Variants in MSRB3 observed in about 807,000 individuals in gnomAD.
The protein encoded by MSRB3 is methionine-R-sulfoxide reductase B3.
Under a neutral mutation model 21.0 loss-of-function variants are expected in MSRB3, and 13 were observed. The observed-to-expected ratio is 0.62, with a 90% CI of 0.40 to 0.98. MSRB3 has a LOEUF of 0.98. Ranked by LOEUF, MSRB3 falls within the 50% of genes least tolerant of loss-of-function variation. MSRB3 has a pLI of 0.00. For synonymous variants in MSRB3, 87 were observed against 88.6 expected, an observed-to-expected ratio of 0.98 and a Z score of 0.10; for missense variants, 199 against 230.3, an observed-to-expected ratio of 0.86 and a Z score of 0.88.
intron 5 of MSRB3, among the ~76,000 whole-genome samples, chr12:65,391,454 A>G (rs1231173073): frequency 5.3e-5 from 8 of 152,194 alleles, no homozygotes; most frequent in Non-Finnish European, 1.2e-4. Flanking sequence ...GATATCCAGG[A>G]TATGTGCTTC....
chr12:65,433,515 C>T (rs1881979522), intron 5 of MSRB3, among the ~76,000 whole-genome samples: 2 of 151,830 alleles, frequency 1.3e-5, no homozygotes, highest in African/African-American at 4.8e-5. Context: ...CTCACACCAT[C>T]ATGCACAGAA....
At chr12:65,425,516 T>C (rs180992959) in intron 5 of MSRB3, among the ~76,000 whole-genome samples, 1 of 152,260 alleles carries the variant, frequency 6.6e-6, no homozygotes, top group East Asian at 1.9e-4. Flanking sequence ...TTTGTATATC[T>C]ACTGTAGCTT....
intron 2 of MSRB3, among the ~76,000 whole-genome samples, chr12:65,318,514 T>A (rs559663165): frequency 6.6e-6 from 1 of 152,256 alleles, no homozygotes; most frequent in East Asian, 1.9e-4. Context: ...AATTTTTTTT[T>A]ATGGGCTATG....
chr12:65,447,996 T>C (rs1592646875), intron 5 of MSRB3, among the ~76,000 whole-genome samples: 3 of 152,094 alleles, frequency 2.0e-5, no homozygotes, highest in African/African-American at 7.2e-5. Context: ...AAATGGAAAA[T>C]CAATTTGATT....
chr12:65,363,570 A>T (rs1877831854), intron 4 of MSRB3, among the ~76,000 whole-genome samples: 1 of 152,154 alleles, frequency 6.6e-6, no homozygotes, highest in South Asian at 2.1e-4. Context: ...TTTCATTTTC[A>T]TGTTTAAAAA....
chr12:65,463,159 G>T lies in MSRB3; in HGVS notation c.395G>T (p.Gly132Val). 6.2e-7 allele frequency: 1 copy of T among 1,613,982 alleles called. No homozygotes were observed. The highest frequency in any genetic ancestry group is 1.1e-5 in the South Asian group (1 of 91,072). Residue 132 changes from glycine (G) to valine (V), a missense_variant, in exon 7 of 7, where the codon GGT becomes GTT. Transcript: ENST00000308259. Reference sequence around the variant, plus strand: ...CGTTTTGTTCTTCTCTTTCAGTGTGGTGCTCACCTTGGGCACATTTTTGAT... The same window carrying T: ...CGTTTTGTTCTTCTCTTTCAGTGTGTTGCTCACCTTGGGCACATTTTTGAT... ...HRVETSCSQCGAHLGHIFDDG... is the reference protein window; with the variant it reads ...HRVETSCSQCVAHLGHIFDDG...
intron 5 of MSRB3, among the ~76,000 whole-genome samples, chr12:65,447,259 G>A (rs1373305988): frequency 2.0e-5 from 3 of 152,106 alleles, no homozygotes; most frequent in South Asian, 4.1e-4. Flanking sequence ...ACTGACCTTG[G>A]CCTCCATGTT....
intron 5 of MSRB3, among the ~76,000 whole-genome samples, chr12:65,381,697 G>A (rs1178578423): frequency 6.6e-6 from 1 of 151,944 alleles, no homozygotes; most frequent in East Asian, 1.9e-4. Flanking sequence ...AGGTTCTTTT[G>A]ATTTTTCATT....
In MSRB3 at chr12:65,465,721, CTG is replaced by C. The variant is rs1883539348; in HGVS notation, c.*2400_*2401del. 1 of 152,184 alleles carries C rather than the reference CTG, an allele frequency of 6.6e-6. No individual in the cohort carries two copies. The allele number at this position is 152,184 out of a possible 1,614,324, so 9.4% of individuals were successfully genotyped here. On this transcript the variant is annotated 3_prime_UTR_variant, in exon 7 of 7. Coordinates refer to ENST00000308259, the MANE Select transcript of MSRB3 (RefSeq NM_001031679.3). ...TTTCACCCCAGGCCCTGGGTTCACT[CTG>C]GAATTCGTAGGCTTCACGTCTCTCT...
At chr12:65,373,500 A>G (rs1294732875) in intron 5 of MSRB3, among the ~76,000 whole-genome samples, 2 of 152,058 alleles carry the variant, frequency 1.3e-5, no homozygotes, top group Non-Finnish European at 2.9e-5. Flanking sequence ...TGGTCCATAA[A>G]CATTCAAAAC....
intron 2 of MSRB3, among the ~76,000 whole-genome samples, chr12:65,312,826 G>A (rs1240033150): frequency 6.6e-6 from 1 of 152,050 alleles, no homozygotes; most frequent in East Asian, 1.9e-4. Context: ...AAATGAATCA[G>A]TAAACATTTG....
intron 5 of MSRB3, among the ~76,000 whole-genome samples, chr12:65,403,594 C>A (rs1369282745): frequency 1.3e-5 from 2 of 152,132 alleles, no homozygotes; most frequent in Non-Finnish European, 2.9e-5. Flanking sequence ...TGGCTTCAGC[C>A]CACTTTCCAG....
At chr12:65,347,021 T>C (rs1876562200) in intron 4 of MSRB3, among the ~76,000 whole-genome samples, 1 of 152,226 alleles carries the variant, frequency 6.6e-6, no homozygotes, top group Non-Finnish European at 1.5e-5. Flanking sequence ...GATAGCATGA[T>C]GCCTTCAGCT....
rs1875387677 is a variant in MSRB3 at position 65,331,134 on chromosome 12, T to C, written c.263+2531T>C. On this transcript the variant is annotated intron_variant, in intron 4 of 6. Coordinates refer to ENST00000308259, the MANE Select transcript of MSRB3 (RefSeq NM_001031679.3). The stretch of plus-strand genomic sequence containing the variant: ...AGTACACAAAACACCAGAAAATTAA[T>C]CTTCTGCAATTTAAAAAATTTCTGA... 2.0e-5 allele frequency among the ~76,000 whole-genome samples: 3 copies of C among 152,194 alleles called. No individual in the cohort carries two copies. The South Asian group carries it at 6.2e-4, about 31-fold the overall frequency.
At chr12:65,359,728 T>C (rs1339401292) in intron 4 of MSRB3, among the ~76,000 whole-genome samples, 1 of 152,156 alleles carries the variant, frequency 6.6e-6, no homozygotes, top group Non-Finnish European at 1.5e-5. Context: ...AGAATATGTT[T>C]GAAAATAGTG....
In MSRB3 at chr12:65,465,550, A is replaced by G. The variant is rs1045134145; in HGVS notation, c.*2228A>G. ...TCCACATTCCTACATGTCTCTCTCT[A>G]CAAGCACCTCTCTAAGAAGCCTGAC... On this transcript the variant is annotated 3_prime_UTR_variant, in exon 7 of 7. Coordinates refer to ENST00000308259, the MANE Select transcript of MSRB3 (RefSeq NM_001031679.3). 2.6e-5 allele frequency: 4 copies of G among 152,134 alleles called. No homozygotes were observed. The highest frequency in any genetic ancestry group is 5.9e-5 in the Non-Finnish European group (4 of 68,020). The allele number at this position is 152,134 out of a possible 1,614,324, so 9.4% of individuals were successfully genotyped here.
chr12:65,319,370 T>A (rs1363507232), intron 2 of MSRB3, among the ~76,000 whole-genome samples: 1 of 152,134 alleles, frequency 6.6e-6, no homozygotes, highest in Non-Finnish European at 1.5e-5. Context: ...GATGTCTAGA[T>A]GTAGTTTTCT....
chr12:65,416,962 G>A (rs572336679), intron 5 of MSRB3, among the ~76,000 whole-genome samples: 2 of 152,142 alleles, frequency 1.3e-5, no homozygotes, highest in Admixed American at 1.3e-4. Flanking sequence ...TCACATATAT[G>A]ATCCATTTTA....
intron 5 of MSRB3, among the ~76,000 whole-genome samples, chr12:65,450,562 C>G (rs1016078469): frequency 1.2e-4 from 19 of 152,154 alleles, no homozygotes; most frequent in African/African-American, 4.3e-4. Context: ...CAGGTTTTCA[C>G]ATGACTTTTC....
Sources: allele counts gnomAD v4.1 joint callset (sites outside exome capture counted in the v4.1 genomes callset), GRCh38; gene constraint gnomAD v4.1.1; transcripts MANE v1.5; gene names NCBI Gene and HGNC (gene_info 2026-07-23, HGNC 2026-07-21).